PPARA: variants seen among roughly 807,000 people sequenced by gnomAD.
PPARA encodes the protein peroxisome proliferator-activated receptor alpha.
PPARA carries 22 observed loss-of-function variants against 42.2 expected under a neutral mutation model. That is an observed-to-expected ratio of 0.52 (90% CI 0.37 to 0.74). PPARA has a LOEUF of 0.74. PPARA is among the 30% of genes least tolerant of loss of function. PPARA has a pLI of 0.00. For missense variants in PPARA, 465 were observed against 608.2 expected (o/e 0.76, Z 2.48); for synonymous variants, 242 against 239.3 (o/e 1.01, Z -0.10).
chr22:46,155,177 A>T (rs1925118950), intron 2 of PPARA: 1 of 151,888 alleles, frequency 6.6e-6, no homozygotes, highest in Non-Finnish European at 1.5e-5. Flanking sequence ...CCAAGTAGTC[A>T]GTGTTTTTCT....
In PPARA at chr22:46,200,377, G is replaced by A. The variant is rs1460721872; in HGVS notation, c.208+1786G>A. On this transcript the variant is annotated intron_variant, in intron 4 of 8. Coordinates refer to ENST00000407236, the MANE Select transcript of PPARA (RefSeq NM_005036.6). This position sits in a 1 kb window ranked among gnomAD's most constrained non-coding sequence, Gnocchi z 4.8. Reference sequence around the variant, plus strand: ...CTGCTGCACACCGAGGCTCTGCGGTGCAGCCTGTTGCTCCAAGGCACGCAC... The same window carrying A: ...CTGCTGCACACCGAGGCTCTGCGGTACAGCCTGTTGCTCCAAGGCACGCAC... 1.3e-5 allele frequency among the ~76,000 whole-genome samples: 2 copies of A among 152,250 alleles called. No homozygotes were observed. Among genetic ancestry groups the A allele is most frequent in the African/African-American group, 4.8e-5 (2 of 41,466 alleles).
intron 2 of PPARA, among the ~76,000 whole-genome samples, chr22:46,153,163 C>CTTTTTTTTTT (rs996863467): frequency 4.3e-4 from 47 of 109,218 alleles, no homozygotes; most frequent in East Asian, 8.0e-4. Flanking sequence ...TTCCCACATC[C>CTTTTTTTTTT]TTTTTTTTTT....
chr22:46,159,288 A>T (rs1246935467), intron 2 of PPARA, among the ~76,000 whole-genome samples: 2 of 152,232 alleles, frequency 1.3e-5, no homozygotes, highest in Non-Finnish European at 2.9e-5. Context: ...AATTGGAATC[A>T]TCTCTTAGTA....
rs1387375613 is a variant in PPARA at position 46,196,725 on chromosome 22, T to C, written c.-42-1617T>C. Among the ~76,000 whole-genome samples the C allele has an allele frequency of 2.0e-5, 3 of 152,200 alleles. No homozygotes were observed. Among genetic ancestry groups the C allele is most frequent in the Admixed American group, 6.5e-5 (1 of 15,278 alleles). On this transcript the variant is annotated intron_variant, in intron 3 of 8. Coordinates refer to ENST00000407236, the MANE Select transcript of PPARA (RefSeq NM_005036.6). This position sits in a 1 kb window ranked among gnomAD's most constrained non-coding sequence, Gnocchi z 5.6. ...GCAGGGATCTGATTTTTGTTAGTTG[T>C]TGTTGTTGCTGTTTTGAGGTGGAGT...
chr22:46,174,878 T>C (rs372211896), intron 2 of PPARA, among the ~76,000 whole-genome samples: 2 of 152,048 alleles, frequency 1.3e-5, no homozygotes, highest in East Asian at 3.8e-4. Context: ...TTTTAAAAAT[T>C]AACTTAAAAC....
rs572310534 is a variant in PPARA, at chr22:46,218,542, A to C, written c.508+141A>C. ...TTTTGTAATCAGAGTGGCCTAAGAAAATAAAAGTCGCCCAGGCGCGGTGGT... is the reference window on the plus strand; with the variant it reads ...TTTTGTAATCAGAGTGGCCTAAGAACATAAAAGTCGCCCAGGCGCGGTGGT... On this transcript the variant is annotated intron_variant, in intron 6 of 8. Transcript: ENST00000407236. 2.8e-6 allele frequency: 4 copies of C among 1,446,798 alleles called. No individual in the cohort carries two copies. In the African/African-American group the frequency reaches 4.2e-5, roughly 15 times the overall value. 89.6% of individuals were successfully genotyped at this position (1,446,798 alleles called of 1,614,324 possible). A position where few individuals can be genotyped will look rare whatever the true frequency, so the allele number is the denominator to read the frequency against.
rs1012699054 is a variant in PPARA, at chr22:46,222,200, T to A, written c.711+2186T>A. 2.7e-5 allele frequency among the ~76,000 whole-genome samples: 4 copies of A among 150,224 alleles called. No individual in the cohort carries two copies. Among genetic ancestry groups the A allele is most frequent in the African/African-American group, 9.9e-5 (4 of 40,522 alleles). On this transcript the variant is annotated intron_variant, in intron 7 of 8. Coordinates refer to ENST00000407236, the MANE Select transcript of PPARA (RefSeq NM_005036.6). The surrounding 1 kb of genome is among the most constrained non-coding windows in gnomAD (Gnocchi z 5.9). ...ATGGTTCGTCCCCCACATCCCCGCC[T>A]GCCTGGCCTAAGTCCTCCTTCCCCC...
In PPARA at chr22:46,219,936, C is replaced by G; in HGVS notation, c.633C>G (p.Tyr211Ter). 6.2e-7 allele frequency: 1 copy of G among 1,614,170 alleles called. No homozygotes were observed. The highest frequency in any genetic ancestry group is 8.5e-7 in the Non-Finnish European group (1 of 1,180,040). Residue 211 changes from tyrosine to a stop codon, truncating the protein, a stop_gained, in exon 7 of 9, where the codon TAC becomes TAG. Coordinates refer to ENST00000407236, the MANE Select transcript of PPARA (RefSeq NM_005036.6). LOFTEE classifies it high-confidence loss of function. This position sits in a 1 kb window ranked among gnomAD's most constrained non-coding sequence, Gnocchi z 4.8. ...ADLKSLAKRI[Y>*]EAYLKNFNMN... is the part of the protein sequence containing the mutation. ...TCAAATCTCTGGCCAAGAGAATCTACGAGGCCTACTTGAAGAACTTCAACA... is the reference window on the plus strand; with the variant it reads ...TCAAATCTCTGGCCAAGAGAATCTAGGAGGCCTACTTGAAGAACTTCAACA...
In PPARA at chr22:46,198,426, G is replaced by C. The variant is rs779797773; in HGVS notation, c.43G>C (p.Glu15Gln). 7 of 1,613,810 alleles carry C rather than the reference G, an allele frequency of 4.3e-6. No individual in the cohort carries two copies. Among genetic ancestry groups the C allele is most frequent in the Non-Finnish European group, 5.1e-6 (6 of 1,179,940 alleles). Residue 15 changes from glutamate to glutamine, a missense_variant, in exon 4 of 9, where the codon GAG becomes CAG. By Grantham distance (29) the Glu-to-Gln change is conservative. Around this residue, in one of 2 missense-constraint regions of PPARA, gnomAD observed 152 missense variants for 139.1 expected, o/e 1.09. Coordinates refer to ENST00000407236, the MANE Select transcript of PPARA (RefSeq NM_005036.6). ...ESPLCPLSPL[E>Q]AGDLESPLSE... is the part of the protein sequence containing the mutation. ...CCCACTCTGCCCCCTCTCCCCACTC[G>C]AGGCCGGCGATCTAGAGAGCCCGTT...
At position 46,180,966 on chromosome 22, in the gene PPARA, C is replaced by T. The variant is rs532050850; in HGVS notation, c.-43+4130C>T. On this transcript the variant is annotated intron_variant, in intron 3 of 8. Coordinates refer to ENST00000407236, the MANE Select transcript of PPARA (RefSeq NM_005036.6). The surrounding 1 kb of genome is among the most constrained non-coding windows in gnomAD (Gnocchi z 4.2). ...CCGGTGTCCTTCCTAGACAGCACAA[C>T]GGAACCTATAAAGGGGTTGCAGGAC... is the stretch of plus-strand genomic sequence containing the variant. Among the ~76,000 whole-genome samples the T allele has an allele frequency of 3.3e-5, 5 of 152,204 alleles. No individual in the cohort carries two copies. Among genetic ancestry groups the T allele is most frequent in the African/African-American group, 7.2e-5 (3 of 41,542 alleles).
At chr22:46,209,162 A>C (rs1220009907) in intron 4 of PPARA, among the ~76,000 whole-genome samples, 1 of 152,160 alleles carries the variant, frequency 6.6e-6, no homozygotes, top group Non-Finnish European at 1.5e-5. Flanking sequence ...TGCTATTCTA[A>C]TTCACAATAC....
chr22:46,214,578 G>A (rs555098461), intron 4 of PPARA, among the ~76,000 whole-genome samples: 9 of 147,946 alleles, frequency 6.1e-5, no homozygotes, highest in Non-Finnish European at 1.2e-4. Flanking sequence ...GAGATGTGGG[G>A]GTCCGGAGAT....
Position 46,193,040 on chromosome 22 carries a change from T to G in PPARA, c.-42-5302T>G, listed in dbSNP as rs865872615. Among the ~76,000 whole-genome samples, 1 of 152,034 alleles carries G rather than the reference T, an allele frequency of 6.6e-6. No homozygotes were observed. The highest frequency in any genetic ancestry group is 2.4e-5 in the African/African-American group (1 of 41,418). On this transcript the variant is annotated intron_variant, in intron 3 of 8. Transcript: ENST00000407236. The surrounding 1 kb of genome is among the most constrained non-coding windows in gnomAD (Gnocchi z 5.3). ...GGTACAAAAAACTAGAAAGAATGAATAAGACCCACTAGGTTTTTTGTTGTT... is the reference window on the plus strand; with the variant it reads ...GGTACAAAAAACTAGAAAGAATGAAGAAGACCCACTAGGTTTTTTGTTGTT...
chr22:46,222,640 C>A lies in PPARA; in HGVS notation c.711+2626C>A, dbSNP rs777561676. Among the ~76,000 whole-genome samples the A allele has an allele frequency of 1.3e-5, 2 of 152,176 alleles. No individual in the cohort carries two copies. Among genetic ancestry groups the A allele is most frequent in the Non-Finnish European group, 2.9e-5 (2 of 68,034 alleles). On this transcript the variant is annotated intron_variant, in intron 7 of 8. Coordinates refer to ENST00000407236, the MANE Select transcript of PPARA (RefSeq NM_005036.6). This position sits in a 1 kb window ranked among gnomAD's most constrained non-coding sequence, Gnocchi z 5.9. ...GAAAAGGTAACTTTTAGCTTCGAGT[C>A]TCTATCCTGGATATGATTAGTACAG...
intron 4 of PPARA, 132 bp downstream of exon 4, chr22:46,198,723 C>G: frequency 8.7e-6 from 8 of 920,530 alleles, no homozygotes; most frequent in Non-Finnish European, 1.3e-5. Flanking sequence ...TGCAATGGCT[C>G]GATCTCGGCT....
In PPARA at chr22:46,231,220, A is replaced by ATTTT. The variant is rs1240772516; in HGVS notation, c.712-559_712-556dup. On this transcript the variant is annotated intron_variant, in intron 7 of 8. Coordinates refer to ENST00000407236, the MANE Select transcript of PPARA (RefSeq NM_005036.6). The surrounding 1 kb of genome is among the most constrained non-coding windows in gnomAD (Gnocchi z 7.7). ...TACAGGCACACACTATGCCTGGCTA[A>ATTTT]TTTTTTTTTTTTTTTTGAGACGGAG... Among the ~76,000 whole-genome samples the ATTTT allele has an allele frequency of 7.7e-6, 1 of 129,968 alleles. No homozygotes were observed. Among genetic ancestry groups the ATTTT allele is most frequent in the African/African-American group, 2.9e-5 (1 of 34,522 alleles). 85.3% of individuals were successfully genotyped at this position (129,968 alleles called of 152,430 possible). A position where few individuals can be genotyped will look rare whatever the true frequency, so the allele number is the denominator to read the frequency against.
chr22:46,218,193 G>A, intron 5 of PPARA, 70 bp from the exon 6 acceptor site: 5 of 1,576,254 alleles, frequency 3.2e-6, no homozygotes, highest in Non-Finnish European at 3.5e-6. Context: ...AACAAAAAAG[G>A]TGAGTAAAGC....
rs1334443789 is a variant in PPARA, at chr22:46,162,370, C to A, written c.-127+10400C>A. Among the ~76,000 whole-genome samples, 3 of 152,166 alleles carry A rather than the reference C, an allele frequency of 2.0e-5. No individual in the cohort carries two copies. The highest frequency in any genetic ancestry group is 4.4e-5 in the Non-Finnish European group (3 of 68,022). On this transcript the variant is annotated intron_variant, in intron 2 of 8. Coordinates refer to ENST00000407236, the MANE Select transcript of PPARA (RefSeq NM_005036.6). The surrounding 1 kb of genome is among the most constrained non-coding windows in gnomAD (Gnocchi z 6.0). ...CTGACCGACACGCTGTCTACACAAA[C>A]CCCTTCTGGTTCTTCTCGTGCACTG...
intron 4 of PPARA, among the ~76,000 whole-genome samples, chr22:46,205,101 C>T (rs1303438433): frequency 2.6e-5 from 4 of 151,790 alleles, no homozygotes; most frequent in South Asian, 2.1e-4. Flanking sequence ...TGGACTCAAG[C>T]GACCCTCCCA....
Sources: gnomAD v4.1 joint callset for allele counts (sites outside exome capture counted in the v4.1 genomes callset) on GRCh38, gnomAD v4.1.1 for gene constraint, gnomAD v4.1.1 regional missense constraint, Gnocchi (gnomAD v3.1) non-coding constraint, MANE v1.5 for transcripts, NCBI Gene and HGNC (gene_info 2026-07-23, HGNC 2026-07-21) for gene names.